The following TLE1 variants were observed in gnomAD, a reference collection of about 807,000 sequenced individuals.
TLE1 encodes the protein transducin-like enhancer protein 1.
Under a neutral mutation model 89.8 loss-of-function variants are expected in TLE1, and 21 were observed. That is an observed-to-expected ratio of 0.23 (90% CI 0.17 to 0.34). The LOEUF (loss-of-function observed/expected upper bound fraction) is 0.34, where lower values mean the gene tolerates loss of function less well. Among genes scored for constraint, TLE1 ranks in the 10% least tolerant of loss-of-function variants. TLE1 has a pLI of 1.00. For synonymous variants in TLE1, 447 were observed against 407.6 expected, an observed-to-expected ratio of 1.10 and a Z score of -1.16; for missense variants, 795 against 1,031.2, an observed-to-expected ratio of 0.77 and a Z score of 3.14.
chr9:81,685,761 G>GT (rs1175207425), intron 3 of TLE1, 41 bp from the exon 4 acceptor site: 1 of 1,611,748 alleles, frequency 6.2e-7, no homozygotes, highest in Non-Finnish European at 8.5e-7. Context: ...ATTAACTCAT[G>GT]TTTTTTACAC....
At chr9:81,639,656 C>T (rs2132444231) in intron 6 of TLE1, among the ~76,000 whole-genome samples, 2 of 145,810 alleles carry the variant, frequency 1.4e-5, no homozygotes, top group Middle Eastern at 7.2e-3. Context: ...AATCTCGGCT[C>T]ACTGCAACCT....
At chr9:81,592,368 G>GA (rs961452222) in intron 15 of TLE1, among the ~76,000 whole-genome samples, 25 of 152,182 alleles carry the variant, frequency 1.6e-4, no homozygotes, top group African/African-American at 6.0e-4. Flanking sequence ...AAAGAAAAAA[G>GA]AAAAAAGAGA....
chr9:81,669,711 T>C (rs1307349338), intron 4 of TLE1, among the ~76,000 whole-genome samples: 1 of 152,132 alleles, frequency 6.6e-6, no homozygotes, highest in Non-Finnish European at 1.5e-5. Context: ...AGTGTCCAAT[T>C]AAAGCTGCTT....
At chr9:81,669,312 A>G (rs1377308787) in intron 4 of TLE1, among the ~76,000 whole-genome samples, 1 of 152,186 alleles carries the variant, frequency 6.6e-6, no homozygotes. Flanking sequence ...TGTCTAATAG[A>G]CATGTGGATA....
chr9:81,686,410 G>A (rs1216748505), intron 2 of TLE1, among the ~76,000 whole-genome samples: 1 of 152,170 alleles, frequency 6.6e-6, no homozygotes, highest in African/African-American at 2.4e-5. Context: ...CAATAAAGTG[G>A]GTTGAAGTTC....
chr9:81,584,686 A>C lies in TLE1; in HGVS notation c.2129-162T>G, dbSNP rs370478670. On this transcript the variant is annotated intron_variant, in intron 18 of 19. Coordinates refer to ENST00000376499, the MANE Select transcript of TLE1 (RefSeq NM_005077.5). ...ACAGAGGTTTTAATCTGGGCTCCTCAGTGATTTATCAGTGATCTTGGGTAT... is the reference window on the plus strand; with the variant it reads ...ACAGAGGTTTTAATCTGGGCTCCTCCGTGATTTATCAGTGATCTTGGGTAT... 5.8e-4 allele frequency among the ~76,000 whole-genome samples: 89 copies of C among 152,288 alleles called. No individual in the cohort carries two copies. In the South Asian group the frequency reaches 0.018, roughly 31 times the overall value.
chr9:81,679,754 C>A (rs1833368297), intron 4 of TLE1, among the ~76,000 whole-genome samples: 1 of 151,992 alleles, frequency 6.6e-6, no homozygotes, highest in African/African-American at 2.4e-5. Flanking sequence ...TCAGAGGCAA[C>A]AATAAGCAAT....
chr9:81,590,880 T>A lies in TLE1; in HGVS notation c.1754A>T (p.Asp585Val). Residue 585 changes from aspartate (D) to valine (V), a missense_variant, in exon 16 of 20, where the codon GAT becomes GTT. Around this residue, in one of 4 missense-constraint regions of TLE1, gnomAD observed 214 missense variants for 354.9 expected, o/e 0.60. Coordinates refer to ENST00000376499, the MANE Select transcript of TLE1 (RefSeq NM_005077.5). Reference sequence around the variant, plus strand: ...GCAGCATGAGAAGCAGACCTTGGAATCGGGGCTGATGGCCAGGGCGTAGCA... The same window carrying A: ...GCAGCATGAGAAGCAGACCTTGGAAACGGGGCTGATGGCCAGGGCGTAGCA... Reference protein sequence around the residue: ...PACYALAISPDSKVCFSCCSD... With the variant: ...PACYALAISPVSKVCFSCCSD... 1 of 1,614,236 alleles carries A rather than the reference T, an allele frequency of 6.2e-7. No homozygotes were observed. The highest frequency in any genetic ancestry group is 8.5e-7 in the Non-Finnish European group (1 of 1,180,036).
chr9:81,619,959 C>T (rs1825019840), intron 9 of TLE1, among the ~76,000 whole-genome samples: 1 of 152,148 alleles, frequency 6.6e-6, no homozygotes, highest in Non-Finnish European at 1.5e-5. Context: ...GTACCATGAG[C>T]CTATATTATC....
At chr9:81,661,344 T>G (rs897866706) in intron 4 of TLE1, among the ~76,000 whole-genome samples, 6 of 151,796 alleles carry the variant, frequency 4.0e-5, no homozygotes, top group African/African-American at 1.5e-4. Flanking sequence ...AGCCCACTCC[T>G]CAGCGCCCGC....
intron 6 of TLE1, among the ~76,000 whole-genome samples, chr9:81,638,016 A>G (rs765474657): frequency 1.3e-5 from 2 of 152,202 alleles, no homozygotes. Flanking sequence ...GTTCTCCAGA[A>G]TAAGAAAGGA....
intron 4 of TLE1, among the ~76,000 whole-genome samples, chr9:81,673,770 G>T (rs890877593): frequency 6.6e-6 from 1 of 152,126 alleles, no homozygotes; most frequent in African/African-American, 2.4e-5. Context: ...TGGGGGCTAT[G>T]ACAACTCTAA....
At chr9:81,644,359 T>TA (rs879041942) in intron 6 of TLE1, among the ~76,000 whole-genome samples, 6 of 152,212 alleles carry the variant, frequency 3.9e-5, no homozygotes, top group Admixed American at 3.9e-4. Context: ...GCAACTGCAG[T>TA]ATATTGATGA....
intron 4 of TLE1, among the ~76,000 whole-genome samples, chr9:81,683,027 T>C (rs889571298): frequency 2.0e-5 from 3 of 152,148 alleles, no homozygotes; most frequent in East Asian, 1.9e-4. Flanking sequence ...ACCACAATTA[T>C]ACCATTCTTG....
At chr9:81,639,007 C>G (rs10867785) in intron 6 of TLE1, among the ~76,000 whole-genome samples, 57,557 of 151,942 alleles carry the variant, frequency 0.38, 11,231 homozygotes, top group African/African-American at 0.43. Flanking sequence ...CACTGCAGCT[C>G]AAATGCCTGG....
At chr9:81,602,068 G>A (rs1830999301) in intron 14 of TLE1, among the ~76,000 whole-genome samples, 1 of 152,162 alleles carries the variant, frequency 6.6e-6, no homozygotes, top group Non-Finnish European at 1.5e-5. Context: ...TAGATGGGAA[G>A]GCATCCATGA....
chr9:81,681,551 CAAA>C (rs35808742), intron 4 of TLE1, among the ~76,000 whole-genome samples: 1 of 128,316 alleles, frequency 7.8e-6, no homozygotes, highest in Non-Finnish European at 1.6e-5. Flanking sequence ...TTCCGTCGCG[CAAA>C]AAAAAAAAAG....
intron 4 of TLE1, among the ~76,000 whole-genome samples, chr9:81,677,112 C>T (rs563973324): frequency 6.6e-6 from 1 of 152,230 alleles, no homozygotes; most frequent in East Asian, 1.9e-4. Flanking sequence ...GTGGCACGTG[C>T]CTGTAGTCCC....
Position 81,651,937 on chromosome 9 carries a change from C to A in TLE1, c.372+277G>T, listed in dbSNP as rs189490974. ...GCCAGAGTAGGCAAAATACCAAGAC[C>A]CCGGTCTGTTTAAAAAGAATTTTTT... On this transcript the variant is annotated intron_variant, in intron 6 of 19. Transcript: ENST00000376499. 5.5e-4 allele frequency among the ~76,000 whole-genome samples: 84 copies of A among 151,606 alleles called. 3 individuals carry two copies. The East Asian group carries it at 0.013, about 24-fold the overall frequency.
Sources: gnomAD v4.1 joint callset for allele counts (sites outside exome capture counted in the v4.1 genomes callset) on GRCh38, gnomAD v4.1.1 for gene constraint, gnomAD v4.1.1 regional missense constraint, MANE v1.5 for transcripts, NCBI Gene and HGNC (gene_info 2026-07-23, HGNC 2026-07-21) for gene names.